ARHGAP24: variants seen among roughly 807,000 people sequenced by gnomAD.
The protein encoded by ARHGAP24 is Rho GTPase activating protein 24.
A neutral mutation model predicts 76.4 loss-of-function variants in ARHGAP24; 50 were observed. That is an observed-to-expected ratio of 0.65 (90% CI 0.52 to 0.83). The LOEUF (loss-of-function observed/expected upper bound fraction) is 0.83. ARHGAP24 is among the 40% of genes least tolerant of loss of function. The pLI is 0.00. For missense variants in ARHGAP24, 930 were observed against 914.2 expected, an observed-to-expected ratio of 1.02 and a Z score of -0.22; for synonymous variants, 345 against 323.3, an observed-to-expected ratio of 1.07 and a Z score of -0.72.
chr4:85,648,339 T>C (rs1174658222), intron 2 of ARHGAP24, among the ~76,000 whole-genome samples: 1 of 152,144 alleles, frequency 6.6e-6, no homozygotes, highest in East Asian at 1.9e-4. Context: ...CAATTATAGC[T>C]ATGACAATTA....
In ARHGAP24 at chr4:85,995,580, T is replaced by A; in HGVS notation, c.1926T>A (p.Ser642Arg). ...TGGGCAACAGCAGCAGCAACCACAG[T>A]GCACTGCACAGTTTAGTTTCCAGCC... ...TFVGNSSSNH[S>R]ALHSLVSSLK... Residue 642 changes from serine (S) to arginine (R), a missense_variant, in exon 9 of 10, where the codon AGT becomes AGA. By Grantham distance (110) the Ser-to-Arg change is moderately radical (BLOSUM62 -1). Coordinates refer to ENST00000395184, the MANE Select transcript of ARHGAP24 (RefSeq NM_001025616.3). 6.2e-7 allele frequency: 1 copy of A among 1,613,732 alleles called. No individual in the cohort carries two copies. Among genetic ancestry groups the A allele is most frequent in the Non-Finnish European group, 8.5e-7 (1 of 1,179,882 alleles).
In ARHGAP24 at chr4:85,480,141, A is replaced by AC. The variant is rs200786873; in HGVS notation, c.-21+4589dup. On this transcript the variant is annotated intron_variant, in intron 1 of 9. Transcript: ENST00000395184. Reference sequence around the variant, plus strand: ...TTATTACACTATGCTTTAATATGATACCCCCCCTTTTTAACTACTGAGAGT... The same window carrying AC: ...TTATTACACTATGCTTTAATATGATACCCCCCCCTTTTTAACTACTGAGAGT... Among the ~76,000 whole-genome samples, 1,174 of 152,096 alleles carry AC rather than the reference A, an allele frequency of 7.7e-3. 8 individuals are homozygous for AC. Among genetic ancestry groups the AC allele is most frequent in the African/African-American group, 0.026 (1,085 of 41,490 alleles).
intron 3 of ARHGAP24, chr4:85,827,681 C>T (rs576704270): frequency 4.2e-6 from 1 of 238,582 alleles, no homozygotes; most frequent in African/African-American, 2.2e-5. Context: ...ATGACAGCCC[C>T]TCCTCTTCCC....
At chr4:85,797,082 T>G (rs942856058) in intron 3 of ARHGAP24, among the ~76,000 whole-genome samples, 3 of 152,154 alleles carry the variant, frequency 2.0e-5, no homozygotes, top group Non-Finnish European at 2.9e-5. Context: ...CATTTTCTTC[T>G]GCAGTGTCTC....
chr4:85,545,125 G>C (rs1001929817), intron 1 of ARHGAP24, among the ~76,000 whole-genome samples: 2 of 151,830 alleles, frequency 1.3e-5, no homozygotes, highest in African/African-American at 4.8e-5. Flanking sequence ...ATTTGAGATG[G>C]AGTTTTACTT....
chr4:85,522,588 A>C (rs1724825406), intron 1 of ARHGAP24, among the ~76,000 whole-genome samples: 1 of 152,182 alleles, frequency 6.6e-6, no homozygotes, highest in African/African-American at 2.4e-5. Flanking sequence ...CTGGGTACTT[A>C]TAAAGAATTA....
chr4:85,911,121 G>A (rs1735052823), intron 3 of ARHGAP24, among the ~76,000 whole-genome samples: 1 of 152,192 alleles, frequency 6.6e-6, no homozygotes. Context: ...GATGGCTGCA[G>A]CTGCACCTGC....
intron 1 of ARHGAP24, among the ~76,000 whole-genome samples, chr4:85,527,619 CTTCTT>C (rs1475118086): frequency 6.6e-6 from 1 of 152,108 alleles, no homozygotes. Flanking sequence ...TCACTCATCT[CTTCTT>C]TTATACCTTA....
chr4:85,638,622 TGTGTGTG>T, intron 2 of ARHGAP24, among the ~76,000 whole-genome samples: 1 of 152,150 alleles, frequency 6.6e-6, no homozygotes, highest in Non-Finnish European at 1.5e-5. Context: ...TGTGTGTGGA[TGTGTGTG>T]GATGCCCACA....
chr4:85,961,505 T>C (rs1288254822), intron 5 of ARHGAP24, among the ~76,000 whole-genome samples: 1 of 151,138 alleles, frequency 6.6e-6, no homozygotes, highest in African/African-American at 2.4e-5. Flanking sequence ...TGGAAGAAAA[T>C]ATATTTTCTA....
intron 3 of ARHGAP24, among the ~76,000 whole-genome samples, chr4:85,753,167 T>C (rs1272978016): frequency 6.6e-6 from 1 of 152,218 alleles, no homozygotes; most frequent in Non-Finnish European, 1.5e-5. Flanking sequence ...GCTATTGTTA[T>C]ACTGATTAGA....
Position 85,969,408 on chromosome 4 carries a change from TTC to T in ARHGAP24, c.600-2626_600-2625del, listed in dbSNP as rs1738826556. 3.3e-5 allele frequency among the ~76,000 whole-genome samples: 5 copies of T among 152,234 alleles called. No homozygotes were observed. The South Asian group carries it at 1.0e-3, about 32-fold the overall frequency. The stretch of plus-strand genomic sequence containing the variant: ...TATTTATTCATAAATATTTGATAGC[TTC>T]TGTTTATATAGTCATGCAAATTATA... On this transcript the variant is annotated intron_variant, in intron 5 of 9. Transcript: ENST00000395184.
intron 2 of ARHGAP24, among the ~76,000 whole-genome samples, chr4:85,603,385 T>C (rs1720095644): frequency 6.6e-6 from 1 of 152,226 alleles, no homozygotes; most frequent in South Asian, 2.1e-4. Context: ...CCTTGATACC[T>C]CCCTTCATAT....
intron 2 of ARHGAP24, among the ~76,000 whole-genome samples, chr4:85,684,992 AT>A (rs1174343887): frequency 6.6e-6 from 1 of 152,110 alleles, no homozygotes; most frequent in Admixed American, 6.5e-5. Flanking sequence ...GCAATTTTGT[AT>A]TTTGTGATCT....
chr4:85,635,189 G>A (rs1271731707), intron 2 of ARHGAP24, among the ~76,000 whole-genome samples: 2 of 151,712 alleles, frequency 1.3e-5, no homozygotes, highest in African/African-American at 4.8e-5. Flanking sequence ...TCAAAACTTT[G>A]TTGGGGAAAA....
rs190828287 is a variant in ARHGAP24 at position 85,718,430 on chromosome 4, G to A, written c.181-3455G>A. ...AAAAGTATGGGAGAATTTATATGGTGTTAACATTGGTTATCTGTAGTGGGT... is the reference window on the plus strand; with the variant it reads ...AAAAGTATGGGAGAATTTATATGGTATTAACATTGGTTATCTGTAGTGGGT... On this transcript the variant is annotated intron_variant, in intron 2 of 9. Transcript: ENST00000395184. Among the ~76,000 whole-genome samples, 235 of 152,146 alleles carry A rather than the reference G, an allele frequency of 1.5e-3. 2 individuals are homozygous for A. Among genetic ancestry groups the A allele is most frequent in the African/African-American group, 5.3e-3 (220 of 41,532 alleles).
intron 3 of ARHGAP24, among the ~76,000 whole-genome samples, chr4:85,739,316 A>T (rs566344181): frequency 6.6e-6 from 1 of 152,200 alleles, no homozygotes; most frequent in African/African-American, 2.4e-5. Flanking sequence ...AGGACTTGCC[A>T]TAAGTCAGGG....
intron 3 of ARHGAP24, among the ~76,000 whole-genome samples, chr4:85,764,282 A>G (rs149609768): frequency 3.0e-3 from 452 of 152,194 alleles, no homozygotes; most frequent in African/African-American, 0.01. Context: ...TCTATCTGCT[A>G]TAGTGTGAGG....
chr4:85,822,275 T>C (rs1454896124), intron 3 of ARHGAP24, among the ~76,000 whole-genome samples: 1 of 149,288 alleles, frequency 6.7e-6, no homozygotes, highest in Non-Finnish European at 1.5e-5. Context: ...AAAAAATGAG[T>C]TTTTTGGTTT....
Sources: allele counts gnomAD v4.1 joint callset (sites outside exome capture counted in the v4.1 genomes callset), GRCh38; gene constraint gnomAD v4.1.1; transcripts MANE v1.5; gene names NCBI Gene and HGNC (gene_info 2026-07-23, HGNC 2026-07-21).